PDE3B: variants seen among roughly 807,000 people sequenced by gnomAD.
PDE3B encodes the protein cGMP-inhibited 3',5'-cyclic phosphodiesterase 3B.
Under a neutral mutation model 116.8 loss-of-function variants are expected in PDE3B, and 66 were observed. The observed-to-expected ratio is 0.56, with a 90% CI of 0.46 to 0.69. PDE3B has a LOEUF of 0.69. Ranked by LOEUF, PDE3B falls within the 30% of genes least tolerant of loss-of-function variation. The pLI, the probability that PDE3B is intolerant of heterozygous loss-of-function variation, is 0.00. For synonymous variants in PDE3B, 595 were observed against 533.6 expected (o/e 1.12, Z -1.59); for missense variants, 1,384 against 1,368.1 (o/e 1.01, Z -0.18).
chr11:14,726,355 A>G (rs1178786247), intron 1 of PDE3B, among the ~76,000 whole-genome samples: 5 of 152,172 alleles, frequency 3.3e-5, no homozygotes, highest in African/African-American at 4.8e-5. Flanking sequence ...GCATCCCAAC[A>G]GCCAAGAATA....
At chr11:14,848,990 A>C (rs1847677358) in intron 12 of PDE3B, among the ~76,000 whole-genome samples, 2 of 152,188 alleles carry the variant, frequency 1.3e-5, no homozygotes, top group Admixed American at 1.3e-4. Flanking sequence ...AAACTACTTT[A>C]AAGTTCATAT....
intron 1 of PDE3B, among the ~76,000 whole-genome samples, chr11:14,763,259 T>A (rs1775172294): frequency 6.6e-6 from 1 of 151,782 alleles, no homozygotes; most frequent in South Asian, 2.1e-4. Flanking sequence ...GAGTGTTAGA[T>A]TGTGTCAAAT....
intron 1 of PDE3B, among the ~76,000 whole-genome samples, chr11:14,765,108 C>A (rs1857460922): frequency 6.6e-6 from 1 of 151,964 alleles, no homozygotes; most frequent in Non-Finnish European, 1.5e-5. Flanking sequence ...GTTGGAAACA[C>A]TGAATTCAGT....
intron 4 of PDE3B, among the ~76,000 whole-genome samples, chr11:14,800,642 G>A (rs192316337): frequency 2.6e-5 from 4 of 152,240 alleles, no homozygotes; most frequent in Admixed American, 2.0e-4. Context: ...TCTTGGGGTT[G>A]CTCTTCTCAA....
intron 1 of PDE3B, among the ~76,000 whole-genome samples, chr11:14,755,139 T>C (rs1857150891): frequency 6.6e-6 from 1 of 152,192 alleles, no homozygotes; most frequent in Non-Finnish European, 1.5e-5. Flanking sequence ...TAAAAGTCAT[T>C]TTGATGACAA....
In PDE3B at chr11:14,665,307, T is replaced by C. The variant is rs1298028905; in HGVS notation, c.978+20254T>C. ...CTATCTATGACAGACCCACAGCCAA[T>C]ATCATACTGAATGGGCAAAAACTGG... On this transcript the variant is annotated intron_variant, in intron 1 of 15. Transcript: ENST00000282096. Among the ~76,000 whole-genome samples, 3 of 152,266 alleles carry C rather than the reference T, an allele frequency of 2.0e-5. No individual in the cohort carries two copies. The East Asian group carries it at 5.8e-4, about 29-fold the overall frequency.
At position 14,774,316 on chromosome 11, in the gene PDE3B, C is replaced by T. The variant is rs1344454274; in HGVS notation, c.1029+2329C>T. 5 of 152,288 alleles carry T rather than the reference C, an allele frequency of 3.3e-5. No homozygotes were observed. In the East Asian group the frequency reaches 7.7e-4, roughly 24 times the overall value. 9.4% of individuals were successfully genotyped at this position (152,288 alleles called of 1,614,324 possible). A position where few individuals can be genotyped will look rare whatever the true frequency, so the allele number is the denominator to read the frequency against. The stretch of plus-strand genomic sequence containing the variant: ...AAGACACTCTGAACCTATTCCCTCA[C>T]CTACAAATTGAGAATAATACCAGTT... On this transcript the variant is annotated intron_variant, in intron 2 of 15. Transcript: ENST00000282096.
intron 1 of PDE3B, among the ~76,000 whole-genome samples, chr11:14,666,665 C>G (rs1336202307): frequency 1.3e-5 from 2 of 151,274 alleles, no homozygotes; most frequent in South Asian, 4.2e-4. Flanking sequence ...TTTATGCAGC[C>G]AAAAAACACA....
At chr11:14,731,631 G>A (rs1856461820) in intron 1 of PDE3B, among the ~76,000 whole-genome samples, 1 of 151,976 alleles carries the variant, frequency 6.6e-6, no homozygotes. Flanking sequence ...TGGGAAATTA[G>A]GAATATAGAT....
intron 14 of PDE3B, among the ~76,000 whole-genome samples, chr11:14,866,889 C>G (rs1265785893): frequency 1.3e-5 from 2 of 152,060 alleles, no homozygotes; most frequent in Non-Finnish European, 1.5e-5. Flanking sequence ...TGCCCAACAC[C>G]ACACAGGTAG....
chr11:14,840,059 T>C (rs1348640479), intron 11 of PDE3B, among the ~76,000 whole-genome samples: 1 of 152,162 alleles, frequency 6.6e-6, no homozygotes. Flanking sequence ...AATACTACTG[T>C]AAGGCTGTAT....
the PDE3B span, among the ~76,000 whole-genome samples, chr11:14,899,282 C>T: frequency 1.3e-5 from 2 of 152,146 alleles, no homozygotes; most frequent in East Asian, 1.9e-4. Context: ...TGTCTCCTTC[C>T]CTGGCTGTCC....
chr11:14,673,887 T>C, intron 1 of PDE3B: 1 of 1,433,460 alleles, frequency 7.0e-7, no homozygotes, highest in South Asian at 1.1e-5. Flanking sequence ...GTTGAAGTAT[T>C]CTTTTATCCC....
At chr11:14,873,358 T>C (rs369319758), downstream of PDE3B, among the ~76,000 whole-genome samples, 7 of 152,300 alleles carry the variant, frequency 4.6e-5, no homozygotes, top group African/African-American at 1.7e-4. Flanking sequence ...GTTAATTTTG[T>C]CTTTTGACAG....
At chr11:14,896,372 G>A in the PDE3B span, among the ~76,000 whole-genome samples, 4 of 152,144 alleles carry the variant, frequency 2.6e-5, no homozygotes, top group South Asian at 4.2e-4. Flanking sequence ...AATGTATTGG[G>A]CACCTACTAG....
intron 1 of PDE3B, among the ~76,000 whole-genome samples, chr11:14,746,992 G>T (rs951158978): frequency 2.0e-5 from 3 of 152,160 alleles, no homozygotes; most frequent in Admixed American, 2.0e-4. Flanking sequence ...AGGAAGTGTG[G>T]TGCCAGCATC....
At chr11:14,817,541 G>C (rs1565150709) in intron 5 of PDE3B, among the ~76,000 whole-genome samples, 1 of 152,132 alleles carries the variant, frequency 6.6e-6, no homozygotes, top group Non-Finnish European at 1.5e-5. Flanking sequence ...CTTGAGCCCA[G>C]GTGTTTGAGA....
In PDE3B at chr11:14,697,891, T is replaced by C. The variant is rs1407951166; in HGVS notation, c.978+52838T>C. 2.0e-5 allele frequency among the ~76,000 whole-genome samples: 3 copies of C among 152,066 alleles called. No individual in the cohort carries two copies. In the East Asian group the frequency reaches 5.8e-4, roughly 29 times the overall value. ...AATAGAAATAGAAAAATCTTGAGCTTGTATTAAACAACCTTACTAAATTTG... is the reference window on the plus strand; with the variant it reads ...AATAGAAATAGAAAAATCTTGAGCTCGTATTAAACAACCTTACTAAATTTG... On this transcript the variant is annotated intron_variant, in intron 1 of 15. Coordinates refer to ENST00000282096, the MANE Select transcript of PDE3B (RefSeq NM_000922.4).
At chr11:14,714,904 G>C (rs1855831121) in intron 1 of PDE3B, among the ~76,000 whole-genome samples, 1 of 152,146 alleles carries the variant, frequency 6.6e-6, no homozygotes, top group Non-Finnish European at 1.5e-5. Context: ...GAGAAGGGCT[G>C]ACCAAGCAGT....
Sources: gnomAD v4.1 joint callset for allele counts (sites outside exome capture counted in the v4.1 genomes callset) on GRCh38, gnomAD v4.1.1 for gene constraint, MANE v1.5 for transcripts, NCBI Gene and HGNC (gene_info 2026-07-23, HGNC 2026-07-21) for gene names.